MPPED2: variants seen among roughly 807,000 people sequenced by gnomAD.
MPPED2 encodes the protein metallophosphoesterase domain containing 2.
In MPPED2, 5 loss-of-function variants were observed where a neutral mutation model predicts 33.0. The observed-to-expected ratio is 0.15, with a 90% CI of 0.08 to 0.32. The LOEUF (loss-of-function observed/expected upper bound fraction) is 0.32. Ranked by LOEUF, MPPED2 falls within the 10% of genes least tolerant of loss-of-function variation. The pLI, the probability that MPPED2 is intolerant of heterozygous loss-of-function variation, is 1.00. For missense variants in MPPED2, 275 were observed against 372.1 expected (o/e 0.74, Z 2.15); for synonymous variants, 136 against 141.9 (o/e 0.96, Z 0.29).
At chr11:30,586,948 A>ACGCT (rs1284468649), upstream of MPPED2, 10 of 143,918 alleles carry the variant, frequency 6.9e-5, 1 homozygote, top group Non-Finnish European at 1.2e-4. This position sits in a 1 kb window ranked among gnomAD's most constrained non-coding sequence, Gnocchi z 4.8. Context: ...ACACACACAC[A>ACGCT]CGCTCACTCA....
At chr11:30,529,137 T>C (rs190328968) in intron 3 of MPPED2, among the ~76,000 whole-genome samples, 55 of 152,294 alleles carry the variant, frequency 3.6e-4, no homozygotes, top group African/African-American at 1.3e-3. Flanking sequence ...GTGTTCATTT[T>C]TTAAGTTACA....
chr11:30,542,167 C>T (rs1174576264), intron 2 of MPPED2, among the ~76,000 whole-genome samples: 1 of 152,158 alleles, frequency 6.6e-6, no homozygotes, highest in African/African-American at 2.4e-5. Flanking sequence ...TCTTCATGGC[C>T]TTTGCCTTAC....
chr11:30,480,364 A>C (rs1392219957), intron 4 of MPPED2, among the ~76,000 whole-genome samples: 1 of 152,044 alleles, frequency 6.6e-6, no homozygotes, highest in African/African-American at 2.4e-5. Context: ...AATATTAATG[A>C]CAGGACTGCA....
At chr11:30,574,241 TAC>T (rs1956825984) in intron 2 of MPPED2, among the ~76,000 whole-genome samples, 1 of 152,204 alleles carries the variant, frequency 6.6e-6, no homozygotes, top group African/African-American at 2.4e-5. Context: ...TAATTTTTTA[TAC>T]TCTACCTTTC....
intron 2 of MPPED2, among the ~76,000 whole-genome samples, chr11:30,542,459 C>CAAAAAAAAA (rs59474313): frequency 6.9e-4 from 54 of 77,788 alleles, no homozygotes; most frequent in Admixed American, 2.3e-3. Flanking sequence ...ACCAAAAGTA[C>CAAAAAAAAA]AAAAAAAAAA....
chr11:30,561,124 T>C (rs1813202918), intron 2 of MPPED2, among the ~76,000 whole-genome samples: 1 of 152,188 alleles, frequency 6.6e-6, no homozygotes, highest in South Asian at 2.1e-4. Context: ...TTTTAAACCT[T>C]CATGTGGGTG....
In MPPED2 at chr11:30,505,169, A is replaced by G. The variant is rs370930893; in HGVS notation, c.311-9648T>C. Among the ~76,000 whole-genome samples the G allele has an allele frequency of 2.6e-5, 4 of 152,254 alleles. No individual in the cohort carries two copies. In the South Asian group the frequency reaches 6.2e-4, roughly 24 times the overall value. On this transcript the variant is annotated intron_variant, in intron 3 of 6. Transcript: ENST00000358117. ...GGGAAGCAGGCCATTAATATCCACAATTTTTAGACCACGAAAACTGCCCAG... is the reference window on the plus strand; with the variant it reads ...GGGAAGCAGGCCATTAATATCCACAGTTTTTAGACCACGAAAACTGCCCAG...
intron 3 of MPPED2, among the ~76,000 whole-genome samples, chr11:30,503,476 G>A (rs868469637): frequency 4.6e-5 from 7 of 152,088 alleles, no homozygotes; most frequent in Non-Finnish European, 5.9e-5. Context: ...TCATCAGGTC[G>A]TGGTTAACAC....
At chr11:30,429,559 C>A (rs1948989198) in intron 4 of MPPED2, among the ~76,000 whole-genome samples, 1 of 152,204 alleles carries the variant, frequency 6.6e-6, no homozygotes, top group Non-Finnish European at 1.5e-5. Context: ...GTGTCTCCCT[C>A]ACTGTGTGCC....
chr11:30,443,793 C>G (rs1180635965), intron 4 of MPPED2, among the ~76,000 whole-genome samples: 1 of 152,192 alleles, frequency 6.6e-6, no homozygotes, highest in East Asian at 1.9e-4. Flanking sequence ...GTATGAATTA[C>G]TGACAGTTCT....
intron 2 of MPPED2, among the ~76,000 whole-genome samples, chr11:30,559,709 A>T (rs1956155522): frequency 6.6e-6 from 1 of 152,192 alleles, no homozygotes; most frequent in African/African-American, 2.4e-5. Flanking sequence ...TTTCAAAAAT[A>T]AATTATTTTT....
intron 4 of MPPED2, among the ~76,000 whole-genome samples, chr11:30,474,240 G>A (rs1377756983): frequency 6.6e-6 from 1 of 152,138 alleles, no homozygotes; most frequent in Non-Finnish European, 1.5e-5. Flanking sequence ...CTAGCTTCCT[G>A]TGCCATGAAC....
At chr11:30,396,409 T>C (rs562103) in intron 6 of MPPED2, among the ~76,000 whole-genome samples, 51,164 of 152,064 alleles carry the variant, frequency 0.34, 9,009 homozygotes, top group Non-Finnish European at 0.38. Flanking sequence ...TTATTTCTTA[T>C]GCTTAGACAT....
intron 3 of MPPED2, among the ~76,000 whole-genome samples, chr11:30,496,780 TA>T (rs1226823822): frequency 6.6e-6 from 1 of 152,170 alleles, no homozygotes; most frequent in Non-Finnish European, 1.5e-5. Flanking sequence ...ATTCAAACTG[TA>T]AAGATTACAT....
chr11:30,393,070 A>G (rs1947799695), intron 6 of MPPED2, among the ~76,000 whole-genome samples: 1 of 152,006 alleles, frequency 6.6e-6, no homozygotes, highest in South Asian at 2.1e-4. Flanking sequence ...GGGAACCTTC[A>G]ATTTGTGCCC....
In MPPED2 at chr11:30,566,501, C is replaced by T. The variant is rs549288956; in HGVS notation, c.128+13745G>A. 4.6e-5 allele frequency among the ~76,000 whole-genome samples: 7 copies of T among 152,240 alleles called. No individual in the cohort carries two copies. In the East Asian group the frequency reaches 9.7e-4, roughly 21 times the overall value. ...ATCCAGCTCCATCCTGAAAAAAACA[C>T]GGGAGACTTACATAAGTTACCCTTT... is the stretch of plus-strand genomic sequence containing the variant. On this transcript the variant is annotated intron_variant, in intron 2 of 6. Transcript: ENST00000358117.
chr11:30,384,622 C>T (rs1018998140), exon 7 of MPPED2: 2 of 151,732 alleles, frequency 1.3e-5, no homozygotes, highest in African/African-American at 4.8e-5. Context: ...CTACCACGCC[C>T]AACTAATTTT....
At chr11:30,459,162 C>T (rs1950419251) in intron 4 of MPPED2, among the ~76,000 whole-genome samples, 1 of 151,774 alleles carries the variant, frequency 6.6e-6, no homozygotes. Flanking sequence ...CTCCTGACCT[C>T]GTGATCCGCC....
chr11:30,498,247 A>G (rs995886971), intron 3 of MPPED2, among the ~76,000 whole-genome samples: 2 of 151,568 alleles, frequency 1.3e-5, no homozygotes, highest in African/African-American at 2.4e-5. Context: ...AAGGCCATAT[A>G]TATACTCTAA....
Sources: allele counts gnomAD v4.1 joint callset (sites outside exome capture counted in the v4.1 genomes callset), GRCh38; gene constraint gnomAD v4.1.1; non-coding constraint Gnocchi (gnomAD v3.1); transcripts MANE v1.5; gene names NCBI Gene and HGNC (gene_info 2026-07-23, HGNC 2026-07-21).